The following KCNAB1 variants were observed in gnomAD, a reference collection of about 807,000 sequenced individuals.
The protein encoded by KCNAB1 is voltage-gated potassium channel subunit beta-1.
Under a neutral mutation model 64.6 loss-of-function variants are expected in KCNAB1, and 35 were observed. That is an observed-to-expected ratio of 0.54 (90% CI 0.41 to 0.72). The LOEUF is 0.72. Ranked by LOEUF, KCNAB1 falls within the 30% of genes least tolerant of loss-of-function variation. The pLI, the probability that KCNAB1 is intolerant of heterozygous loss-of-function variation, is 0.00. For synonymous variants in KCNAB1, 177 were observed against 183.8 expected, an observed-to-expected ratio of 0.96 and a Z score of 0.30; for missense variants, 401 against 512.9, an observed-to-expected ratio of 0.78 and a Z score of 2.11.
chr3:156,414,038 A>G (rs1009223142), intron 1 of KCNAB1, among the ~76,000 whole-genome samples: 10 of 152,218 alleles, frequency 6.6e-5, no homozygotes, highest in Non-Finnish European at 1.5e-4. Context: ...GATTAAGTGT[A>G]TGTTTAAATA....
At chr3:156,412,872 A>C (rs1714770044) in intron 1 of KCNAB1, among the ~76,000 whole-genome samples, 1 of 152,154 alleles carries the variant, frequency 6.6e-6, no homozygotes, top group Non-Finnish European at 1.5e-5. Context: ...AAGGGAGAGG[A>C]AGAAGACAAA....
chr3:156,342,094 C>T (rs1271997222), intron 1 of KCNAB1, among the ~76,000 whole-genome samples: 2 of 152,180 alleles, frequency 1.3e-5, no homozygotes, highest in African/African-American at 4.8e-5. Flanking sequence ...GTGGATGCCA[C>T]TTGGAATGCC....
chr3:156,333,228 G>T (rs895899405), intron 1 of KCNAB1, among the ~76,000 whole-genome samples: 2 of 151,872 alleles, frequency 1.3e-5, no homozygotes, highest in Non-Finnish European at 1.5e-5. Flanking sequence ...TCCCCCTTTT[G>T]GCTGTCCTGA....
chr3:156,375,832 G>T lies in KCNAB1; in HGVS notation c.276-45784G>T, dbSNP rs71310473. On this transcript the variant is annotated intron_variant, in intron 1 of 13. Transcript: ENST00000490337. Reference sequence around the variant, plus strand: ...ATATTGAAGATTTCTTCTTTTTTTTGTGTGTGTGTTGGAGTGCCACTCTGT... The same window carrying T: ...ATATTGAAGATTTCTTCTTTTTTTTTTGTGTGTGTTGGAGTGCCACTCTGT... Among the ~76,000 whole-genome samples, 333 of 98,708 alleles carry T rather than the reference G, an allele frequency of 3.4e-3. 55 individuals are homozygous for T. The highest frequency in any genetic ancestry group is 0.014 in the Middle Eastern group (3 of 214). 64.8% of individuals were successfully genotyped at this position (98,708 alleles called of 152,430 possible).
intron 13 of KCNAB1, among the ~76,000 whole-genome samples, chr3:156,532,449 T>C (rs527515586): frequency 1.3e-5 from 2 of 152,346 alleles, no homozygotes; most frequent in Admixed American, 6.5e-5. Flanking sequence ...TTATCTATTT[T>C]TCTCTTGCTC....
At chr3:156,223,028 T>A (rs766955469) in intron 1 of KCNAB1, among the ~76,000 whole-genome samples, 1 of 152,188 alleles carries the variant, frequency 6.6e-6, no homozygotes, top group Non-Finnish European at 1.5e-5. Flanking sequence ...GGGTTCTTGG[T>A]CTCACTGACT....
chr3:156,483,877 A>G (rs1404110250), intron 8 of KCNAB1, among the ~76,000 whole-genome samples: 1 of 152,172 alleles, frequency 6.6e-6, no homozygotes, highest in Non-Finnish European at 1.5e-5. Context: ...GTTCCATAGA[A>G]AGAACAAGAG....
rs532172991 is a variant in KCNAB1, at chr3:156,350,982, G to A, written c.276-70634G>A. ...GTGTGAAAAGTTTCCTGTGAGATTT[G>A]CACAGTTGTCATGGGAGGGACGTAG... On this transcript the variant is annotated intron_variant, in intron 1 of 13. Coordinates refer to ENST00000490337, the MANE Select transcript of KCNAB1 (RefSeq NM_172160.3). Among the ~76,000 whole-genome samples the A allele has an allele frequency of 7.2e-5, 11 of 152,350 alleles. No homozygotes were observed. The South Asian group carries it at 2.3e-3, about 32-fold the overall frequency.
At chr3:156,389,704 A>C (rs766243830) in intron 1 of KCNAB1, among the ~76,000 whole-genome samples, 16 of 152,208 alleles carry the variant, frequency 1.1e-4, no homozygotes, top group Admixed American at 2.0e-4. Flanking sequence ...GATAATTTGC[A>C]TTTCGAACAG....
At chr3:156,283,675 T>G (rs959180317) in intron 1 of KCNAB1, among the ~76,000 whole-genome samples, 3 of 151,978 alleles carry the variant, frequency 2.0e-5, no homozygotes, top group East Asian at 1.9e-4. Flanking sequence ...CTTTTTATTC[T>G]TTTTTCTCTA....
intron 2 of KCNAB1, among the ~76,000 whole-genome samples, chr3:156,448,755 AG>A (rs1559889759): frequency 3.0e-5 from 4 of 131,868 alleles, no homozygotes; most frequent in African/African-American, 1.6e-4. Context: ...TTTGTTTGGT[AG>A]GAAATATTCA....
intron 1 of KCNAB1, among the ~76,000 whole-genome samples, chr3:156,141,979 G>A (rs1249607664): frequency 1.3e-5 from 2 of 152,154 alleles, no homozygotes; most frequent in Non-Finnish European, 2.9e-5. Flanking sequence ...ATCTCTCATT[G>A]TGGATTTCAT....
intron 1 of KCNAB1, among the ~76,000 whole-genome samples, chr3:156,301,087 T>C (rs1046915292): frequency 1.3e-5 from 2 of 152,342 alleles, no homozygotes; most frequent in Non-Finnish European, 2.9e-5. Flanking sequence ...TCATATCTAC[T>C]GGAAAGCCCA....
At chr3:156,307,579 T>C (rs1721589755) in intron 1 of KCNAB1, among the ~76,000 whole-genome samples, 1 of 152,150 alleles carries the variant, frequency 6.6e-6, no homozygotes, top group Non-Finnish European at 1.5e-5. Context: ...TGTGAAATCA[T>C]TCTGGTGCTG....
At chr3:156,230,468 C>T (rs1434903973) in intron 1 of KCNAB1, among the ~76,000 whole-genome samples, 1 of 152,144 alleles carries the variant, frequency 6.6e-6, no homozygotes, top group Non-Finnish European at 1.5e-5. Context: ...GACAAATTGC[C>T]TAATGATACA....
chr3:156,536,712 AACAAGCCCT>A lies in KCNAB1; in HGVS notation c.1229_1237del (p.Lys410_Tyr412del). ...AAATGAGATTGATAACATACTGCGC[AACAAGCCCT>A]ACAGCAAGAAGGACTATAGATCATA... On this transcript the variant is annotated inframe_deletion, in exon 14 of 14. Coordinates refer to ENST00000490337, the MANE Select transcript of KCNAB1 (RefSeq NM_172160.3). 6.2e-7 allele frequency: 1 copy of A among 1,613,360 alleles called. No homozygotes were observed. Among genetic ancestry groups the A allele is most frequent in the Non-Finnish European group, 8.5e-7 (1 of 1,179,282 alleles).
chr3:156,500,694 G>A (rs1022687666), intron 8 of KCNAB1, among the ~76,000 whole-genome samples: 2 of 152,008 alleles, frequency 1.3e-5, no homozygotes, highest in African/African-American at 4.8e-5. Flanking sequence ...AGAATAAATT[G>A]GATCTATCAA....
chr3:156,239,559 G>A (rs1023754014), intron 1 of KCNAB1, among the ~76,000 whole-genome samples: 1 of 152,146 alleles, frequency 6.6e-6, no homozygotes, highest in Non-Finnish European at 1.5e-5. Flanking sequence ...ATGTTGAAAA[G>A]CCCATTCTGA....
intron 1 of KCNAB1, among the ~76,000 whole-genome samples, chr3:156,224,259 C>T (rs1299045850): frequency 6.6e-6 from 1 of 152,250 alleles, no homozygotes; most frequent in African/African-American, 2.4e-5. Context: ...GGAACTCGTG[C>T]TGGCCCGCAA....
Sources: gnomAD v4.1 joint callset for allele counts (sites outside exome capture counted in the v4.1 genomes callset) on GRCh38, gnomAD v4.1.1 for gene constraint, MANE v1.5 for transcripts, NCBI Gene and HGNC (gene_info 2026-07-23, HGNC 2026-07-21) for gene names.